The following GPHN variants were observed in gnomAD, a reference collection of about 807,000 sequenced individuals.
GPHN encodes gephyrin.
In GPHN, 17 loss-of-function variants were observed where a neutral mutation model predicts 95.5. The ratio of observed to expected loss-of-function variants is 0.18; its 90% CI spans 0.12 to 0.27. The LOEUF (loss-of-function observed/expected upper bound fraction) is 0.27, where lower values mean the gene tolerates loss of function less well. Ranked by LOEUF, GPHN falls within the 10% of genes least tolerant of loss-of-function variation. GPHN has a pLI of 1.00. For missense variants in GPHN, 660 were observed against 978.1 expected (o/e 0.67, Z 4.34); for synonymous variants, 320 against 322.5 (o/e 0.99, Z 0.08).
the GPHN span, chr14:67,674,249 T>TA: frequency 6.3e-5 from 54 of 859,142 alleles, 2 homozygotes; most frequent in African/African-American, 8.8e-4. Flanking sequence ...AAGCCAGCCC[T>TA]AGGGGGCGTG....
chr14:67,136,379 A>G (rs1009498716), intron 17 of GPHN, among the ~76,000 whole-genome samples: 2 of 152,176 alleles, frequency 1.3e-5, no homozygotes, highest in Admixed American at 1.3e-4. Flanking sequence ...TAAACAGTCC[A>G]AGCCTCTGTG....
At chr14:66,654,191 A>T (rs934192893) in intron 1 of GPHN, among the ~76,000 whole-genome samples, 1 of 152,072 alleles carries the variant, frequency 6.6e-6, no homozygotes, top group African/African-American at 2.4e-5. Context: ...TCTGTCACCC[A>T]GGCTGGAGTG....
intron 18 of GPHN, among the ~76,000 whole-genome samples, chr14:67,153,569 T>C (rs775343445): frequency 1.3e-5 from 2 of 152,186 alleles, no homozygotes; most frequent in Non-Finnish European, 2.9e-5. Context: ...TTTCAACATA[T>C]GAATTTGGGG....
chr14:66,834,947 T>G (rs2061734307), intron 4 of GPHN, among the ~76,000 whole-genome samples: 1 of 142,428 alleles, frequency 7.0e-6, no homozygotes, highest in Admixed American at 7.1e-5. Flanking sequence ...GTTATTGGTC[T>G]ATTCAGAGAT....
At chr14:66,781,266 G>C (rs910543524) in intron 3 of GPHN, among the ~76,000 whole-genome samples, 4 of 147,232 alleles carry the variant, frequency 2.7e-5, no homozygotes, top group Non-Finnish European at 6.0e-5. Flanking sequence ...GCCCGGGCTT[G>C]AGTGCAGTGG....
intron 17 of GPHN, among the ~76,000 whole-genome samples, chr14:67,135,305 A>G (rs1296655815): frequency 6.6e-6 from 1 of 151,860 alleles, no homozygotes; most frequent in Non-Finnish European, 1.5e-5. Flanking sequence ...TGTGTGTTTC[A>G]CTACTGTTTT....
intron 5 of GPHN, among the ~76,000 whole-genome samples, chr14:66,899,139 TTTTTG>T (rs2065009304): frequency 6.6e-6 from 1 of 151,392 alleles, no homozygotes; most frequent in Non-Finnish European, 1.5e-5. Context: ...TTTTTTTTGT[TTTTTG>T]TTTTGTTTGT....
At chr14:66,999,256 C>A (rs2072048505) in intron 9 of GPHN, among the ~76,000 whole-genome samples, 1 of 151,580 alleles carries the variant, frequency 6.6e-6, no homozygotes, top group Non-Finnish European at 1.5e-5. Context: ...TGAGAAGATG[C>A]ACCTATAAGA....
At chr14:66,758,423 G>A (rs1488379580) in intron 2 of GPHN, among the ~76,000 whole-genome samples, 1 of 152,178 alleles carries the variant, frequency 6.6e-6, no homozygotes, top group Non-Finnish European at 1.5e-5. Flanking sequence ...AGAGGGCACT[G>A]TTTGGGGAAA....
chr14:67,593,513 TAGAA>T, the GPHN span: 6 of 502,528 alleles, frequency 1.2e-5, no homozygotes, highest in African/African-American at 3.9e-5. Context: ...AGAAAAAAGA[TAGAA>T]AGAGAAGGAA....
chr14:66,940,193 T>G (rs951038463), intron 8 of GPHN, among the ~76,000 whole-genome samples: 2 of 151,512 alleles, frequency 1.3e-5, no homozygotes, highest in African/African-American at 4.9e-5. Context: ...GGAGACACAG[T>G]TACCTATCTG....
At position 67,070,715 on chromosome 14, in the gene GPHN, A is replaced by AAAAAAT; in HGVS notation, c.1144+11930_1144+11931insAAAATA. Among the ~76,000 whole-genome samples, 2 of 80,702 alleles carry AAAAAAT rather than the reference A, an allele frequency of 2.5e-5. 1 individual carries two copies. The highest frequency in any genetic ancestry group is 9.0e-4 in the East Asian group (2 of 2,214). The allele number at this position is 80,702 out of a possible 152,430, so 52.9% of individuals were successfully genotyped here. A position where few individuals can be genotyped will look rare whatever the true frequency, so the allele number is the denominator to read the frequency against. ...ATCTCAAAAAAAAAAAAAAAAAAAA[A>AAAAAAT]ATATATATATATATCCAATCAGCAT... On this transcript the variant is annotated intron_variant, in intron 11 of 22. Coordinates refer to ENST00000478722, the MANE Select transcript of GPHN (RefSeq NM_020806.5).
the GPHN span, chr14:67,350,698 A>T: frequency 6.2e-7 from 1 of 1,612,392 alleles, no homozygotes; most frequent in Non-Finnish European, 8.5e-7. Context: ...AGTCTGGAAA[A>T]GCATAAACCA....
At chr14:67,535,886 G>A in the GPHN span, among the ~76,000 whole-genome samples, 9 of 152,090 alleles carry the variant, frequency 5.9e-5, no homozygotes, top group African/African-American at 1.2e-4. Flanking sequence ...GTTAAATGAC[G>A]GTTTCATATG....
rs115659870 is a variant in GPHN at position 66,609,532 on chromosome 14, A to G, written c.65-71575A>G. On this transcript the variant is annotated intron_variant, in intron 1 of 22. Transcript: ENST00000478722. ...TTTTTCATAAACTGTATCTTCAAAT[A>G]TGTTTTCAAAGTTGTTTTCTCTCTC... Among the ~76,000 whole-genome samples the G allele has an allele frequency of 7.9e-3, 1,207 of 152,210 alleles. 8 individuals are homozygous for G. Among genetic ancestry groups the G allele is most frequent in the African/African-American group, 0.028 (1,152 of 41,538 alleles).
the GPHN span, chr14:67,620,117 C>T: frequency 4.0e-6 from 6 of 1,499,850 alleles, no homozygotes; most frequent in East Asian, 2.4e-5. Flanking sequence ...AACCGCCGGG[C>T]AGGATCCTCC....
intron 6 of GPHN, among the ~76,000 whole-genome samples, chr14:66,918,200 G>A (rs1339463992): frequency 6.6e-6 from 1 of 152,170 alleles, no homozygotes; most frequent in Non-Finnish European, 1.5e-5. Flanking sequence ...TAACAAATGA[G>A]GAACTTCTGT....
intron 11 of GPHN, among the ~76,000 whole-genome samples, chr14:67,070,730 C>T (rs1316299761): frequency 8.8e-6 from 1 of 113,208 alleles, no homozygotes; most frequent in South Asian, 2.9e-4. Context: ...ATATATATAT[C>T]CAATCAGCAT....
intron 4 of GPHN, among the ~76,000 whole-genome samples, chr14:66,841,138 G>A (rs1440758783): frequency 2.0e-5 from 3 of 151,910 alleles, no homozygotes; most frequent in Admixed American, 6.6e-5. Flanking sequence ...TTACATTTTA[G>A]TGAGAGGATA....
Sources: gnomAD v4.1 joint callset for allele counts (sites outside exome capture counted in the v4.1 genomes callset) on GRCh38, gnomAD v4.1.1 for gene constraint, MANE v1.5 for transcripts, NCBI Gene and HGNC (gene_info 2026-07-23, HGNC 2026-07-21) for gene names.